The following PRKCD variants were observed in gnomAD, a reference collection of about 807,000 sequenced individuals.
The protein encoded by PRKCD is protein kinase C delta.
In PRKCD, 20 loss-of-function variants were observed where a neutral mutation model predicts 82.2. That is an observed-to-expected ratio of 0.24 (90% CI 0.17 to 0.35). The LOEUF is 0.35. Ranked by LOEUF, PRKCD falls within the 10% of genes least tolerant of loss-of-function variation. The pLI is 1.00. For missense variants in PRKCD, 607 were observed against 899.0 expected (o/e 0.68, Z 4.15); for synonymous variants, 317 against 337.0 (o/e 0.94, Z 0.65).
At chr3:53,179,990 A>G (rs1703376995) in intron 4 of PRKCD, among the ~76,000 whole-genome samples, 1 of 152,044 alleles carries the variant, frequency 6.6e-6, no homozygotes, top group Non-Finnish European at 1.5e-5. Context: ...AGCCTCTCTG[A>G]GCTTCTGCTT....
rs1702936612 is a variant in PRKCD at position 53,169,213 on chromosome 3, G to A, written c.-20+3998G>A. Reference sequence around the variant, plus strand: ...AGGGGAACGGCGGGGGACTGGTGTGGGCAGGCTTGAGCTCTTCTGGAGTCA... The same window carrying A: ...AGGGGAACGGCGGGGGACTGGTGTGAGCAGGCTTGAGCTCTTCTGGAGTCA... On this transcript the variant is annotated intron_variant, in intron 2 of 18. Transcript: ENST00000330452. This position sits in a 1 kb window ranked among gnomAD's most constrained non-coding sequence, Gnocchi z 4.7. 6.6e-6 allele frequency among the ~76,000 whole-genome samples: 1 copy of A among 152,136 alleles called. No individual in the cohort carries two copies. Among genetic ancestry groups the A allele is most frequent in the Non-Finnish European group, 1.5e-5 (1 of 68,006 alleles).
At chr3:53,172,309 C>T (rs1703062964) in intron 2 of PRKCD, among the ~76,000 whole-genome samples, 1 of 152,104 alleles carries the variant, frequency 6.6e-6, no homozygotes, top group African/African-American at 2.4e-5. Flanking sequence ...TCTAGGCAGC[C>T]AGCCTCCCAG....
intron 3 of PRKCD, 95 bp from the exon 4 acceptor site, chr3:53,179,482 A>C (rs781887629): frequency 6.7e-7 from 1 of 1,502,110 alleles, no homozygotes; most frequent in Non-Finnish European, 9.3e-7. Flanking sequence ...AAGGCAGGAG[A>C]GTCGGGCAGA....
intron 1 of PRKCD, among the ~76,000 whole-genome samples, chr3:53,163,528 G>A (rs1702743177): frequency 6.6e-6 from 1 of 152,138 alleles, no homozygotes; most frequent in Non-Finnish European, 1.5e-5. Flanking sequence ...GCTTGTGCCT[G>A]TTAAGAGCAA....
intron 2 of PRKCD, among the ~76,000 whole-genome samples, chr3:53,174,580 G>A (rs1553665552): frequency 1.3e-5 from 2 of 152,288 alleles, no homozygotes; most frequent in Middle Eastern, 3.4e-3. Context: ...AGAGGTAGGG[G>A]GCAGACTCTG....
At chr3:53,162,484 G>C (rs1486012180) in intron 1 of PRKCD, among the ~76,000 whole-genome samples, 2 of 152,242 alleles carry the variant, frequency 1.3e-5, no homozygotes, top group East Asian at 3.8e-4. Flanking sequence ...CTTGTGCTAA[G>C]TCACTGGTAT....
chr3:53,186,232 G>A lies in PRKCD; in HGVS notation c.1152G>A (p.Val384=). 1 of 1,614,144 alleles carries A rather than the reference G, an allele frequency of 6.2e-7. No individual in the cohort carries two copies. Among genetic ancestry groups the A allele is most frequent in the Non-Finnish European group, 8.5e-7 (1 of 1,180,004 alleles). The change falls in exon 13 of 19, where the codon GTG becomes GTA. Residue 384 remains valine (V), a synonymous_variant. Transcript: ENST00000330452. ...YFAIKALKKD[V]VLIDDDVECT... is the part of the protein sequence containing the mutation. ...CCATCAAGGCCCTCAAGAAGGATGT[G>A]GTCCTGATCGACGACGACGTGGAGT...
chr3:53,192,031 T>G, intron 18 of PRKCD, 77 bp from the exon 19 acceptor site: 1 of 1,513,320 alleles, frequency 6.6e-7, no homozygotes. Context: ...GGCCCAGCCC[T>G]GCAGGGACTC....
rs1159588548 is a variant in PRKCD, at chr3:53,188,628, G to T, written c.1416-92G>T. On this transcript the variant is annotated intron_variant, in intron 15 of 18. Transcript: ENST00000330452. The stretch of plus-strand genomic sequence containing the variant: ...CCCTTGTACCCTTGGGGACAGTCCT[G>T]GACTAATACGGCTGAAAATTAGGAC... 3.3e-6 allele frequency: 5 copies of T among 1,529,458 alleles called. No individual in the cohort carries two copies. The South Asian group carries it at 4.8e-5, about 15-fold the overall frequency. The allele number at this position is 1,529,458 out of a possible 1,614,324, so 94.7% of individuals were successfully genotyped here. A position where few individuals can be genotyped will look rare whatever the true frequency, so the allele number is the denominator to read the frequency against.
At chr3:53,185,348 A>T (rs919761895) in intron 10 of PRKCD, among the ~76,000 whole-genome samples, 3 of 152,188 alleles carry the variant, frequency 2.0e-5, no homozygotes, top group African/African-American at 7.2e-5. Context: ...AAATCTATCG[A>T]GTGAGTGGTT....
intron 1 of PRKCD, among the ~76,000 whole-genome samples, chr3:53,162,605 A>G (rs1185894083): frequency 2.7e-5 from 4 of 150,382 alleles, no homozygotes; most frequent in African/African-American, 9.8e-5. Context: ...GCTTGTGTGT[A>G]TGTGTGTATG....
intron 15 of PRKCD, among the ~76,000 whole-genome samples, chr3:53,188,132 G>T (rs1703776585): frequency 7.7e-6 from 1 of 130,490 alleles, no homozygotes; most frequent in South Asian, 2.7e-4. Context: ...AGGTTGCAGT[G>T]AGCTGAGATC....
chr3:53,175,828 T>G (rs1457597853), intron 2 of PRKCD, among the ~76,000 whole-genome samples: 1 of 152,214 alleles, frequency 6.6e-6, no homozygotes. Flanking sequence ...AGCACTCACC[T>G]GGGTGCTGGA....
At chr3:53,170,989 GTGTGTACGTACC>G (rs1301077375) in intron 2 of PRKCD, among the ~76,000 whole-genome samples, 1 of 152,118 alleles carries the variant, frequency 6.6e-6, no homozygotes, top group Non-Finnish European at 1.5e-5. Context: ...TCACAGCAGT[GTGTGTACGTACC>G]TGTGGCTCCA....
intron 15 of PRKCD, 148 bp downstream of exon 15, chr3:53,187,550 A>G (rs1033845438): frequency 2.0e-5 from 18 of 905,678 alleles, no homozygotes; most frequent in Non-Finnish European, 2.8e-5. Flanking sequence ...TATGCCTCCC[A>G]CCCTGGTGTT....
chr3:53,180,500 A>G (rs1703396620), intron 4 of PRKCD, among the ~76,000 whole-genome samples: 1 of 152,230 alleles, frequency 6.6e-6, no homozygotes. Context: ...CCCTGGGGTT[A>G]CATGTGGGAT....
chr3:53,188,808 G>A lies in PRKCD; in HGVS notation c.1504G>A (p.Glu502Lys), dbSNP rs1703809612. Reference sequence around the variant, plus strand: ...GATGTGCAAAGAGAACATATTCGGGGAGAGCCGGGCCAGCACCTTCTGCGG... The same window carrying A: ...GATGTGCAAAGAGAACATATTCGGGAAGAGCCGGGCCAGCACCTTCTGCGG... ...FGMCKENIFG[E>K]SRASTFCGTP... is the part of the protein sequence containing the mutation. Residue 502 changes from glutamate (E) to lysine (K), a missense_variant, in exon 16 of 19, where the codon GAG (glutamate) becomes AAG (lysine). By Grantham distance (56) the Glu-to-Lys change is moderately conservative. Coordinates refer to ENST00000330452, the MANE Select transcript of PRKCD (RefSeq NM_006254.4). 1 of 1,614,090 alleles carries A rather than the reference G, an allele frequency of 6.2e-7. No individual in the cohort carries two copies. Among genetic ancestry groups the A allele is most frequent in the African/African-American group, 1.3e-5 (1 of 74,932 alleles).
At chr3:53,185,743 T>A (rs1014888415) in intron 11 of PRKCD, 43 bp downstream of exon 11, 2 of 1,594,604 alleles carry the variant, frequency 1.3e-6, no homozygotes, top group Non-Finnish European at 1.7e-6. Flanking sequence ...TTATTCCCCC[T>A]GAGGCCAAAG....
intron 17 of PRKCD, 48 bp downstream of exon 17, chr3:53,189,294 G>C: frequency 6.5e-7 from 1 of 1,529,844 alleles, no homozygotes; most frequent in Non-Finnish European, 8.8e-7. Flanking sequence ...GGCTGGGGCA[G>C]GGGCTGGCAG....
Sources: allele counts gnomAD v4.1 joint callset (sites outside exome capture counted in the v4.1 genomes callset), GRCh38; gene constraint gnomAD v4.1.1; non-coding constraint Gnocchi (gnomAD v3.1); transcripts MANE v1.5; gene names NCBI Gene and HGNC (gene_info 2026-07-23, HGNC 2026-07-21).